Variants in KCNQ1 observed in about 807,000 individuals in gnomAD.
KCNQ1 encodes potassium voltage-gated channel subfamily Q member 1, also known as potassium voltage-gated channel subfamily KQT member 1.
A neutral mutation model predicts 72.4 loss-of-function variants in KCNQ1; 49 were observed. The observed-to-expected ratio is 0.68, with a 90% CI of 0.54 to 0.86. KCNQ1 has a LOEUF of 0.86. KCNQ1 is among the 40% of genes least tolerant of loss of function. KCNQ1 has a pLI of 0.00. For synonymous variants in KCNQ1, 450 were observed against 412.6 expected, an observed-to-expected ratio of 1.09 and a Z score of -1.10; for missense variants, 790 against 945.1, an observed-to-expected ratio of 0.84 and a Z score of 2.15.
rs540624689 is a variant in KCNQ1 at position 2,703,306 on chromosome 11, A to G, written c.1514+41225A>G. Among the ~76,000 whole-genome samples the G allele has an allele frequency of 6.6e-6, 1 of 152,086 alleles. No individual in the cohort carries two copies. The highest frequency in any genetic ancestry group is 2.1e-4 in the South Asian group (1 of 4,818). Reference sequence around the variant, plus strand: ...CTGCAGGGGTGGGTGTGAGACAGAGAGCCTGGGCACCTGGTGGCCACTCCC... The same window carrying G: ...CTGCAGGGGTGGGTGTGAGACAGAGGGCCTGGGCACCTGGTGGCCACTCCC... On this transcript the variant is annotated intron_variant, in intron 11 of 15. Transcript: ENST00000155840. This position sits in a 1 kb window ranked among gnomAD's most constrained non-coding sequence, Gnocchi z 6.4.
In KCNQ1 at chr11:2,550,413, C is replaced by T. The variant is rs1441451241; in HGVS notation, c.478-20215C>T. Among the ~76,000 whole-genome samples the T allele has an allele frequency of 1.3e-5, 2 of 152,208 alleles. No homozygotes were observed. Among genetic ancestry groups the T allele is most frequent in the South Asian group, 2.1e-4 (1 of 4,834 alleles). On this transcript the variant is annotated intron_variant, in intron 2 of 15. Coordinates refer to ENST00000155840, the MANE Select transcript of KCNQ1 (RefSeq NM_000218.3). The surrounding 1 kb of genome is among the most constrained non-coding windows in gnomAD (Gnocchi z 6.0). Reference sequence around the variant, plus strand: ...ATAGGTAGAAGGTGGGAGAAGCCCACGTTCTGGGAGCGTCGCAGTGGCCCA... The same window carrying T: ...ATAGGTAGAAGGTGGGAGAAGCCCATGTTCTGGGAGCGTCGCAGTGGCCCA...
chr11:2,768,781 G>A lies in KCNQ1; in HGVS notation c.1515-63G>A, dbSNP rs2133980835. 1 of 1,241,120 alleles carries A rather than the reference G, an allele frequency of 8.1e-7. No individual in the cohort carries two copies. The highest frequency in any genetic ancestry group is 1.2e-6 in the Non-Finnish European group (1 of 839,638). 76.9% of individuals were successfully genotyped at this position (1,241,120 alleles called of 1,614,324 possible). On this transcript the variant is annotated intron_variant, in intron 11 of 15. Coordinates refer to ENST00000155840, the MANE Select transcript of KCNQ1 (RefSeq NM_000218.3). This position sits in a 1 kb window ranked among gnomAD's most constrained non-coding sequence, Gnocchi z 6.7. ...TGCGTGCTCCTCAGGCAGTGCAGGG[G>A]CAGTGAGGGGATGACCAGCACAGGG...
chr11:2,838,287 G>T (rs983695954), intron 15 of KCNQ1, among the ~76,000 whole-genome samples: 7 of 152,200 alleles, frequency 4.6e-5, no homozygotes, highest in Non-Finnish European at 8.8e-5. Flanking sequence ...GCACCTGGAG[G>T]AGTGTGAAAC....
intron 1 of KCNQ1, among the ~76,000 whole-genome samples, chr11:2,455,031 T>A (rs1181229477): frequency 6.6e-6 from 1 of 151,484 alleles, no homozygotes; most frequent in Non-Finnish European, 1.5e-5. Flanking sequence ...CCCTAAAGAG[T>A]CTGCCAAAAG....
rs1330051939 is a variant in KCNQ1 at position 2,491,530 on chromosome 11, A to G, written c.387-36398A>G. ...GTAAGCTTGAAGACAGGATATTTGT[A>G]AATACACAGAGGAGACAGAATAAGA... On this transcript the variant is annotated intron_variant, in intron 1 of 15. Transcript: ENST00000155840. The surrounding 1 kb of genome is among the most constrained non-coding windows in gnomAD (Gnocchi z 4.1). Among the ~76,000 whole-genome samples, 1 of 152,242 alleles carries G rather than the reference A, an allele frequency of 6.6e-6. No individual in the cohort carries two copies. Among genetic ancestry groups the G allele is most frequent in the Non-Finnish European group, 1.5e-5 (1 of 68,048 alleles).
At position 2,669,304 on chromosome 11, in the gene KCNQ1, C is replaced by T; in HGVS notation, c.1514+7223C>T. On this transcript the variant is annotated intron_variant, in intron 11 of 15. Transcript: ENST00000155840. This position sits in a 1 kb window ranked among gnomAD's most constrained non-coding sequence, Gnocchi z 5.6. Reference sequence around the variant, plus strand: ...GGGTTTCTCCTCACCATACATATGCCAGTTGCCATGGAAAGCCTCCTCTAG... The same window carrying T: ...GGGTTTCTCCTCACCATACATATGCTAGTTGCCATGGAAAGCCTCCTCTAG... The T allele has an allele frequency of 5.0e-6, 2 of 398,626 alleles. No individual in the cohort carries two copies. The highest frequency in any genetic ancestry group is 6.3e-4 in the Middle Eastern group (1 of 1,588). 24.7% of individuals were successfully genotyped at this position (398,626 alleles called of 1,614,324 possible).
intron 15 of KCNQ1, among the ~76,000 whole-genome samples, chr11:2,790,438 G>A (rs149668294): frequency 4.6e-5 from 7 of 152,328 alleles, no homozygotes; most frequent in African/African-American, 1.7e-4. Flanking sequence ...GAACCCCATA[G>A]GAGGGGCTCA....
intron 2 of KCNQ1, among the ~76,000 whole-genome samples, chr11:2,555,775 A>G (rs371806192): frequency 6.6e-6 from 1 of 152,186 alleles, no homozygotes; most frequent in Admixed American, 6.5e-5. Flanking sequence ...GAGTGCCTCC[A>G]CTGGCACATT....
chr11:2,648,385 A>C (rs1312807012), intron 10 of KCNQ1: 2 of 398,244 alleles, frequency 5.0e-6, no homozygotes, highest in East Asian at 7.1e-5. Context: ...AAAACTTTCT[A>C]CCTTATTGAT....
At position 2,671,974 on chromosome 11, in the gene KCNQ1, G is replaced by C; in HGVS notation, c.1514+9893G>C. 2.5e-6 allele frequency: 1 copy of C among 398,570 alleles called. No individual in the cohort carries two copies. The highest frequency in any genetic ancestry group is 4.4e-5 in the Admixed American group (1 of 22,728). 24.7% of individuals were successfully genotyped at this position (398,570 alleles called of 1,614,324 possible). A position where few individuals can be genotyped will look rare whatever the true frequency, so the allele number is the denominator to read the frequency against. On this transcript the variant is annotated intron_variant, in intron 11 of 15. Transcript: ENST00000155840. The surrounding 1 kb of genome is among the most constrained non-coding windows in gnomAD (Gnocchi z 4.7). ...GTAGAAAGAGTGGGCTAAAAAGTCAGCTAGCACCCCTGACTTCAAGTCCTC... is the reference window on the plus strand; with the variant it reads ...GTAGAAAGAGTGGGCTAAAAAGTCACCTAGCACCCCTGACTTCAAGTCCTC...
chr11:2,562,976 G>A lies in KCNQ1; in HGVS notation c.478-7652G>A, dbSNP rs771224990. ...TAATATCAGAGACACTAAAGTCCTC[G>A]CGATAAGGGTCTGCGAGGCTTCCTT... On this transcript the variant is annotated intron_variant, in intron 2 of 15. Coordinates refer to ENST00000155840, the MANE Select transcript of KCNQ1 (RefSeq NM_000218.3). This position sits in a 1 kb window ranked among gnomAD's most constrained non-coding sequence, Gnocchi z 7.5. Among the ~76,000 whole-genome samples the A allele has an allele frequency of 5.9e-5, 9 of 152,144 alleles. No homozygotes were observed. Among genetic ancestry groups the A allele is most frequent in the Non-Finnish European group, 1.2e-4 (8 of 68,032 alleles).
chr11:2,454,964 A>G (rs1846166309), intron 1 of KCNQ1, among the ~76,000 whole-genome samples: 1 of 152,180 alleles, frequency 6.6e-6, no homozygotes, highest in South Asian at 2.1e-4. Flanking sequence ...AAATAGGAAA[A>G]GAGGAACTCA....
intron 1 of KCNQ1, among the ~76,000 whole-genome samples, chr11:2,489,140 G>A (rs1252337440): frequency 1.3e-5 from 2 of 152,196 alleles, no homozygotes. Flanking sequence ...TGCTGGAAGA[G>A]GCACTGAAGA....
At chr11:2,842,055 G>A (rs529845780) in intron 15 of KCNQ1, among the ~76,000 whole-genome samples, 48 of 152,300 alleles carry the variant, frequency 3.2e-4, no homozygotes, top group African/African-American at 1.1e-3. Context: ...GTCCCCAGCC[G>A]CGGCAGAGCT....
At position 2,488,374 on chromosome 11, in the gene KCNQ1, G is replaced by A. The variant is rs1221847927; in HGVS notation, c.387-39554G>A. On this transcript the variant is annotated intron_variant, in intron 1 of 15. Coordinates refer to ENST00000155840, the MANE Select transcript of KCNQ1 (RefSeq NM_000218.3). This position sits in a 1 kb window ranked among gnomAD's most constrained non-coding sequence, Gnocchi z 5.1. ...CAGAGTAATGCTCTCCTCATAGAAT[G>A]AGTTAGAAACCTTTCCCCTCCTCTT... Among the ~76,000 whole-genome samples, 2 of 152,172 alleles carry A rather than the reference G, an allele frequency of 1.3e-5. No individual in the cohort carries two copies. Among genetic ancestry groups the A allele is most frequent in the East Asian group, 1.9e-4 (1 of 5,194 alleles).
chr11:2,753,066 G>T (rs904649046), intron 11 of KCNQ1, among the ~76,000 whole-genome samples: 5 of 152,168 alleles, frequency 3.3e-5, no homozygotes, highest in Admixed American at 6.5e-5. Context: ...ATCAACCCAG[G>T]GGGAGGAGAG....
Position 2,787,030 on chromosome 11 carries a change from G to A in KCNQ1, c.1794+8993G>A, listed in dbSNP as rs2134003069. Among the ~76,000 whole-genome samples, 1 of 151,036 alleles carries A rather than the reference G, an allele frequency of 6.6e-6. No individual in the cohort carries two copies. Among genetic ancestry groups the A allele is most frequent in the African/African-American group, 2.4e-5 (1 of 41,106 alleles). Reference sequence around the variant, plus strand: ...TTTTTGAAGTCTGGTGTGAAGTTGGGGTCCTCAGGGAGGAATCATGTTTAC... The same window carrying A: ...TTTTTGAAGTCTGGTGTGAAGTTGGAGTCCTCAGGGAGGAATCATGTTTAC... On this transcript the variant is annotated intron_variant, in intron 15 of 15. Coordinates refer to ENST00000155840, the MANE Select transcript of KCNQ1 (RefSeq NM_000218.3). The surrounding 1 kb of genome is among the most constrained non-coding windows in gnomAD (Gnocchi z 6.3).
intron 1 of KCNQ1, among the ~76,000 whole-genome samples, chr11:2,525,841 G>C (rs1241046419): frequency 6.6e-6 from 1 of 152,176 alleles, no homozygotes; most frequent in Non-Finnish European, 1.5e-5. Flanking sequence ...AAGTCCCACG[G>C]GGCTGATCAC....
At chr11:2,584,147 A>G (rs939434227) in intron 7 of KCNQ1, among the ~76,000 whole-genome samples, 2 of 152,150 alleles carry the variant, frequency 1.3e-5, no homozygotes, top group Admixed American at 1.3e-4. Flanking sequence ...TTGTATGTGC[A>G]TATGTTGTAT....
Sources: allele counts gnomAD v4.1 joint callset (sites outside exome capture counted in the v4.1 genomes callset), GRCh38; gene constraint gnomAD v4.1.1; non-coding constraint Gnocchi (gnomAD v3.1); transcripts MANE v1.5; gene names NCBI Gene and HGNC (gene_info 2026-07-23, HGNC 2026-07-21).